Variants in MEAF6 observed in about 807,000 individuals in gnomAD.
MEAF6 encodes chromatin modification-related protein MEAF6.
Under a neutral mutation model 28.9 loss-of-function variants are expected in MEAF6, and 15 were observed. The ratio of observed to expected loss-of-function variants is 0.52; its 90% CI spans 0.35 to 0.80. The LOEUF (loss-of-function observed/expected upper bound fraction) is 0.80. Among genes scored for constraint, MEAF6 ranks in the 30% least tolerant of loss-of-function variants. The probability of loss-of-function intolerance (pLI) is 0.01; values close to 1 mark genes in which losing one functional copy is unlikely to be tolerated. For synonymous variants in MEAF6, 97 were observed against 88.7 expected, an observed-to-expected ratio of 1.09 and a Z score of -0.53; for missense variants, 178 against 237.5, an observed-to-expected ratio of 0.75 and a Z score of 1.65.
At chr1:37,510,923 T>C (rs1256139245) in intron 2 of MEAF6, among the ~76,000 whole-genome samples, 1 of 151,966 alleles carries the variant, frequency 6.6e-6, no homozygotes, top group East Asian at 1.9e-4. Context: ...TTTCTCCATG[T>C]TGGTCAGGCT....
chr1:37,502,460 AACT>A (rs1642341958), intron 4 of MEAF6, among the ~76,000 whole-genome samples: 1 of 152,076 alleles, frequency 6.6e-6, no homozygotes, highest in African/African-American at 2.4e-5. Flanking sequence ...GTACAAAAAA[AACT>A]ACAGTGACTG....
In MEAF6 at chr1:37,502,559, T is replaced by G. The variant is rs1642347993; in HGVS notation, c.341-563A>C. Among the ~76,000 whole-genome samples, 5 of 124,408 alleles carry G rather than the reference T, an allele frequency of 4.0e-5. No individual in the cohort carries two copies. The South Asian group carries it at 9.4e-4, about 23-fold the overall frequency. The allele number at this position is 124,408 out of a possible 152,430, so 81.6% of individuals were successfully genotyped here. On this transcript the variant is annotated intron_variant, in intron 4 of 6. Transcript: ENST00000296214. ...AAGTTTTCCATTGTTTTTTCTTGTT[T>G]TTTTTTTGTTTGTTTGTTTAACCTT...
chr1:37,513,392 A>T (rs775743549), intron 2 of MEAF6, 31 bp downstream of exon 2: 11 of 1,564,672 alleles, frequency 7.0e-6, no homozygotes, highest in Non-Finnish European at 7.9e-6. Flanking sequence ...ACTAGGGCAC[A>T]ATAGGAACAC....
intron 2 of MEAF6, among the ~76,000 whole-genome samples, chr1:37,510,056 C>A (rs1003896459): frequency 1.3e-5 from 2 of 151,318 alleles, no homozygotes; most frequent in Admixed American, 6.6e-5. Flanking sequence ...GGATTACAGG[C>A]ATGAGCCACC....
chr1:37,503,141 T>A (rs547665672), intron 4 of MEAF6, among the ~76,000 whole-genome samples: 1 of 152,142 alleles, frequency 6.6e-6, no homozygotes, highest in South Asian at 2.1e-4. Context: ...CTTACTATGT[T>A]GCCCAGGCTG....
rs1642595910 is a variant in MEAF6 at position 37,509,546 on chromosome 1, A to C, written c.207-4T>G. 6.2e-7 allele frequency: 1 copy of C among 1,612,788 alleles called. No individual in the cohort carries two copies. Among genetic ancestry groups the C allele is most frequent in the Non-Finnish European group, 8.5e-7 (1 of 1,179,236 alleles). On this transcript the variant is annotated splice_region_variant and splice_polypyrimidine_tract_variant and intron_variant, in intron 2 of 6. Transcript: ENST00000296214. Reference sequence around the variant, plus strand: ...ATCATTTTTGCTATTGGAGTTTCTAAAACACAGAAGAAACTCATTATGAGC... The same window carrying C: ...ATCATTTTTGCTATTGGAGTTTCTACAACACAGAAGAAACTCATTATGAGC...
chr1:37,496,401 C>A (rs889868284), intron 5 of MEAF6: 2 of 337,124 alleles, frequency 5.9e-6, no homozygotes, highest in Non-Finnish European at 1.1e-5. Flanking sequence ...ATATCAAGAT[C>A]TTAAGCTATT....
intron 6 of MEAF6, among the ~76,000 whole-genome samples, 176 bp downstream of exon 6, chr1:37,495,704 CAAAAA>C (rs1217893546): frequency 3.1e-5 from 2 of 64,498 alleles, no homozygotes; most frequent in African/African-American, 5.5e-5. Context: ...AAACAAAAAA[CAAAAA>C]AAAAAAAAAA....
chr1:37,509,132 TA>T, intron 4 of MEAF6, 145 bp downstream of exon 4: 2 of 763,538 alleles, frequency 2.6e-6, no homozygotes, highest in East Asian at 2.6e-5. Flanking sequence ...AAGGATACCC[TA>T]AAAGTTTCAA....
In MEAF6 at chr1:37,493,450, T is replaced by C. The variant is rs545458244; in HGVS notation, c.*649A>G. ...ACTCAGAAAGATTTAAGATAGGTAA[T>C]TACTAAACACTCTTTACCTCCCCTT... On this transcript the variant is annotated 3_prime_UTR_variant, in exon 7 of 7. Transcript: ENST00000296214. 5 of 342,732 alleles carry C rather than the reference T, an allele frequency of 1.5e-5. No homozygotes were observed. The highest frequency in any genetic ancestry group is 8.5e-5 in the African/African-American group (4 of 47,136). 21.2% of individuals were successfully genotyped at this position (342,732 alleles called of 1,614,324 possible). A position where few individuals can be genotyped will look rare whatever the true frequency, so the allele number is the denominator to read the frequency against.
chr1:37,496,503 T>C, intron 5 of MEAF6: 1 of 1,038,688 alleles, frequency 9.6e-7, no homozygotes, highest in East Asian at 3.1e-5. Flanking sequence ...TGCATAAAAG[T>C]GAAGTTTACT....
intron 4 of MEAF6, among the ~76,000 whole-genome samples, chr1:37,507,824 T>TA (rs770678028): frequency 0.018 from 2,387 of 132,142 alleles, 48 homozygotes; most frequent in African/African-American, 0.058. Flanking sequence ...GACTCCGTCT[T>TA]AAAAAAAAAA....
chr1:37,495,714 A>AAC (rs1642109080), intron 6 of MEAF6, among the ~76,000 whole-genome samples, 171 bp downstream of exon 6: 1 of 133,660 alleles, frequency 7.5e-6, no homozygotes, highest in Non-Finnish European at 1.7e-5. Flanking sequence ...CAAAAAAAAA[A>AAC]AAAAACAAAA....
In MEAF6 at chr1:37,511,956, A is replaced by G. The variant is rs74065146; in HGVS notation, c.206+1467T>C. ...ATTAGATACTATTAATGCAGTATTG[A>G]TTTTCTAGGTATAATAACTGGTTAG... On this transcript the variant is annotated intron_variant, in intron 2 of 6. Transcript: ENST00000296214. 4.1e-3 allele frequency among the ~76,000 whole-genome samples: 629 copies of G among 152,328 alleles called. 5 individuals carry two copies. Among genetic ancestry groups the G allele is most frequent in the African/African-American group, 0.015 (610 of 41,572 alleles).
chr1:37,507,592 C>CA (rs1470337404), intron 4 of MEAF6, among the ~76,000 whole-genome samples: 1 of 151,934 alleles, frequency 6.6e-6, no homozygotes, highest in Non-Finnish European at 1.5e-5. Context: ...AGTACCATCA[C>CA]AAAAAATCTG....
At chr1:37,511,616 C>T (rs1238792977) in intron 2 of MEAF6, among the ~76,000 whole-genome samples, 1 of 152,138 alleles carries the variant, frequency 6.6e-6, no homozygotes, top group Non-Finnish European at 1.5e-5. Context: ...ACATTATGTG[C>T]CTCCTGATAA....
chr1:37,503,136 T>A (rs1235623889), intron 4 of MEAF6, among the ~76,000 whole-genome samples: 1 of 144,046 alleles, frequency 6.9e-6, no homozygotes, highest in Non-Finnish European at 1.5e-5. Context: ...GGGGTCTTAC[T>A]ATGTTGCCCA....
intron 6 of MEAF6, among the ~76,000 whole-genome samples, 175 bp from the exon 7 acceptor site, chr1:37,494,282 G>A (rs576120543): frequency 1.2e-4 from 18 of 151,816 alleles, no homozygotes; most frequent in East Asian, 3.9e-4. Context: ...TTGGGAAGCC[G>A]AGGCAGGGAG....
chr1:37,513,777 C>G (rs1642742970), intron 1 of MEAF6: 1 of 565,818 alleles, frequency 1.8e-6, no homozygotes, highest in South Asian at 2.4e-5. Context: ...CACACACACG[C>G]GAAATTTTGC....
Sources: gnomAD v4.1 joint callset for allele counts (sites outside exome capture counted in the v4.1 genomes callset) on GRCh38, gnomAD v4.1.1 for gene constraint, MANE v1.5 for transcripts, NCBI Gene and HGNC (gene_info 2026-07-23, HGNC 2026-07-21) for gene names.